CCBE1: variants seen among roughly 807,000 people sequenced by gnomAD.
CCBE1 encodes the protein collagen and calcium-binding EGF domain-containing protein 1.
CCBE1 carries 37 observed loss-of-function variants against 50.0 expected under a neutral mutation model. The ratio of observed to expected loss-of-function variants is 0.74; its 90% confidence interval spans 0.57 to 0.97. CCBE1 has a LOEUF of 0.97. Ranked by LOEUF, CCBE1 falls within the 50% of genes least tolerant of loss-of-function variation. CCBE1 has a pLI of 0.00. For missense variants in CCBE1, 538 were observed against 523.8 expected (o/e 1.03, Z -0.26); for synonymous variants, 234 against 203.7 (o/e 1.15, Z -1.27).
At chr18:59,576,179 T>A (rs1246982666) in intron 2 of CCBE1, among the ~76,000 whole-genome samples, 2 of 152,232 alleles carry the variant, frequency 1.3e-5, no homozygotes, top group African/African-American at 4.8e-5. Context: ...TGAAAGGCAT[T>A]TGGCTTGTTT....
chr18:59,606,168 G>A (rs947666065), intron 2 of CCBE1, among the ~76,000 whole-genome samples: 1 of 152,056 alleles, frequency 6.6e-6, no homozygotes, highest in Non-Finnish European at 1.5e-5. Context: ...AAAATGCTTC[G>A]GACAAAGGCA....
At chr18:59,677,748 G>A (rs1361719721) in intron 2 of CCBE1, among the ~76,000 whole-genome samples, 1 of 152,038 alleles carries the variant, frequency 6.6e-6, no homozygotes, top group Non-Finnish European at 1.5e-5. Flanking sequence ...GAAACCAACT[G>A]GATTAGTGCA....
chr18:59,458,218 T>C (rs958658079), intron 5 of CCBE1, among the ~76,000 whole-genome samples: 8 of 126,308 alleles, frequency 6.3e-5, no homozygotes, highest in African/African-American at 1.8e-4. Flanking sequence ...CCTAACCACT[T>C]ATCAATAAGT....
chr18:59,697,257 A>G lies in CCBE1; in HGVS notation c.86T>C (p.Leu29Ser), dbSNP rs771358146. 6 of 1,549,308 alleles carry G rather than the reference A, an allele frequency of 3.9e-6. No individual in the cohort carries two copies. The East Asian group carries it at 1.5e-4, about 38-fold the overall frequency. ...SLGPLLLLLALGHTWTYREEP... is the reference protein window; with the variant it reads ...SLGPLLLLLASGHTWTYREEP... The stretch of plus-strand genomic sequence containing the variant: ...CTCTCTGTAGGTCCACGTGTGTCCC[A>G]ACGCCAGGAGCAGCAGCAGCGGACC... The change falls in exon 1 of 11, where the codon TTG (leucine) becomes TCG (serine). Residue 29 changes from leucine to serine, a missense_variant. Physicochemically the swap from Leu to Ser is moderately radical, Grantham distance 145 (BLOSUM62 -2). Transcript: ENST00000439986.
At position 59,448,093 on chromosome 18, in the gene CCBE1, A is replaced by G. The variant is rs1910767909; in HGVS notation, c.665T>C (p.Leu222Pro). Residue 222 changes from leucine to proline, a missense_variant, in exon 7 of 11, where the codon CTC (leucine) becomes CCC (proline). Leu to Pro is a moderately conservative substitution (Grantham distance 98). Transcript: ENST00000439986. ...VLQLKQKIAL[L>P]PNNAADLGKY... ...GCCCAGGTCAGCTGCATTGTTGGGG[A>G]GCAGAGCAATCTGCAAGGAGAAGAG... 2.5e-6 allele frequency: 4 copies of G among 1,613,790 alleles called. No individual in the cohort carries two copies. In the Admixed American group the frequency reaches 6.7e-5, roughly 27 times the overall value.
intron 2 of CCBE1, among the ~76,000 whole-genome samples, chr18:59,550,904 C>A (rs568749373): frequency 4.7e-4 from 69 of 148,112 alleles, no homozygotes; most frequent in African/African-American, 1.7e-3. Flanking sequence ...ACTCTAGAGG[C>A]TGAGGCAGGA....
intron 2 of CCBE1, among the ~76,000 whole-genome samples, chr18:59,633,584 C>CA (rs2053878109): frequency 6.6e-6 from 1 of 152,170 alleles, no homozygotes; most frequent in African/African-American, 2.4e-5. Context: ...CTGGATCCCT[C>CA]ACGCAGTTAA....
chr18:59,548,148 G>A (rs1003470959), intron 2 of CCBE1, among the ~76,000 whole-genome samples: 2 of 152,190 alleles, frequency 1.3e-5, no homozygotes, highest in African/African-American at 2.4e-5. Flanking sequence ...CGTCTTATGA[G>A]TAAGACAACT....
intron 4 of CCBE1, among the ~76,000 whole-genome samples, chr18:59,467,696 A>G (rs1911818072): frequency 6.6e-6 from 1 of 152,204 alleles, no homozygotes; most frequent in Non-Finnish European, 1.5e-5. Flanking sequence ...GGTTGAAGAC[A>G]GTGGGTAGCA....
At chr18:59,465,160 T>C (rs7239532) in intron 5 of CCBE1, among the ~76,000 whole-genome samples, 1 of 152,170 alleles carries the variant, frequency 6.6e-6, no homozygotes. Flanking sequence ...AGTTCACCCT[T>C]GCTAGAAAGG....
At chr18:59,525,418 A>AT (rs766462526) in intron 2 of CCBE1, among the ~76,000 whole-genome samples, 10 of 151,870 alleles carry the variant, frequency 6.6e-5, no homozygotes, top group South Asian at 6.2e-4. Flanking sequence ...TTTTAATTAG[A>AT]TTTTTTTTCC....
intron 2 of CCBE1, among the ~76,000 whole-genome samples, chr18:59,582,316 C>T (rs188067533): frequency 2.6e-5 from 4 of 152,234 alleles, no homozygotes; most frequent in African/African-American, 9.6e-5. Flanking sequence ...GACCTGAAAC[C>T]ATGCCACTTC....
intron 2 of CCBE1, among the ~76,000 whole-genome samples, chr18:59,582,375 C>A (rs1445397747): frequency 6.6e-6 from 1 of 152,198 alleles, no homozygotes; most frequent in East Asian, 1.9e-4. Context: ...GTTGTCCAAG[C>A]CTGAGGCTTT....
intron 2 of CCBE1, among the ~76,000 whole-genome samples, chr18:59,600,850 T>G (rs1170742039): frequency 6.6e-6 from 1 of 152,040 alleles, no homozygotes; most frequent in Admixed American, 6.6e-5. Context: ...CCAATCTTCC[T>G]TCAAGAAGGC....
chr18:59,579,403 A>G (rs946298056), intron 2 of CCBE1, among the ~76,000 whole-genome samples: 2 of 151,920 alleles, frequency 1.3e-5, no homozygotes, highest in African/African-American at 2.4e-5. Flanking sequence ...GATCTTTAAA[A>G]AAAAAAAAAA....
chr18:59,549,232 T>C lies in CCBE1; in HGVS notation c.213-68994A>G, dbSNP rs553900782. On this transcript the variant is annotated intron_variant, in intron 2 of 10. Coordinates refer to ENST00000439986, the MANE Select transcript of CCBE1 (RefSeq NM_133459.4). ...ACACTGCAAAATAGCAAGGTATGAT[T>C]CAAATATAGCAGTGTTCTAGAAATG... Among the ~76,000 whole-genome samples the C allele has an allele frequency of 1.1e-4, 17 of 152,316 alleles. No homozygotes were observed. The South Asian group carries it at 1.9e-3, about 17-fold the overall frequency.
chr18:59,469,516 A>T lies in CCBE1; in HGVS notation c.357T>A (p.Tyr119Ter). Reference protein sequence around the residue: ...VLCTCYPGYRYDRERHRKREK... With the variant: ...VLCTCYPGYR ...CCCGCTTCCGGTGTCTCTCCCGGTC[A>T]TATCGGTATCCCGGATAACAAGTAC... Residue 119 changes from tyrosine to a stop codon, truncating the protein, a stop_gained, in exon 4 of 11, where the codon TAT becomes TAA. Transcript: ENST00000439986. LOFTEE classifies it high-confidence loss of function. The T allele has an allele frequency of 6.2e-7, 1 of 1,614,216 alleles. No homozygotes were observed. Among genetic ancestry groups the T allele is most frequent in the South Asian group, 1.1e-5 (1 of 91,080 alleles).
chr18:59,634,735 T>C (rs1408288886), intron 2 of CCBE1, among the ~76,000 whole-genome samples: 1 of 152,190 alleles, frequency 6.6e-6, no homozygotes, highest in African/African-American at 2.4e-5. Flanking sequence ...AAGAGTTAAA[T>C]GACCAGGGAG....
At chr18:59,471,064 G>A (rs576048153) in intron 3 of CCBE1, among the ~76,000 whole-genome samples, 55 of 152,284 alleles carry the variant, frequency 3.6e-4, no homozygotes, top group African/African-American at 1.3e-3. Context: ...TGCTCTTTTT[G>A]TTGGAGAGCG....
Sources: allele counts gnomAD v4.1 joint callset (sites outside exome capture counted in the v4.1 genomes callset), GRCh38; gene constraint gnomAD v4.1.1; transcripts MANE v1.5; gene names NCBI Gene and HGNC (gene_info 2026-07-23, HGNC 2026-07-21).